Variants in ATP1A2 observed in about 807,000 individuals in gnomAD.
ATP1A2 encodes the protein sodium/potassium-transporting ATPase subunit alpha-2.
A neutral mutation model predicts 113.1 loss-of-function variants in ATP1A2; 56 were observed. The ratio of observed to expected loss-of-function variants is 0.49; its 90% CI spans 0.40 to 0.62. ATP1A2 has a LOEUF of 0.62. ATP1A2 is among the 20% of genes least tolerant of loss of function. The probability of loss-of-function intolerance (pLI) is 0.00; values close to 1 mark genes in which losing one functional copy is unlikely to be tolerated. For synonymous variants in ATP1A2, 490 were observed against 526.8 expected, an observed-to-expected ratio of 0.93 and a Z score of 0.96; for missense variants, 712 against 1,357.8, an observed-to-expected ratio of 0.52 and a Z score of 7.47.
In ATP1A2 at chr1:160,128,811, A is replaced by C. The variant is rs1651668142; in HGVS notation, c.1177A>C (p.Asn393His). 1.2e-6 allele frequency: 2 copies of C among 1,613,994 alleles called. No individual in the cohort carries two copies. The highest frequency in any genetic ancestry group is 1.1e-5 in the South Asian group (1 of 91,068). The stretch of plus-strand genomic sequence containing the variant: ...GACCGTCGCCCACATGTGGTTCGAC[A>C]ACCAAATCCATGAGGCTGACACCAC... ...RMTVAHMWFD[N>H]QIHEADTTED... is the part of the protein sequence containing the mutation. The change falls in exon 9 of 23, where the codon AAC becomes CAC. Residue 393 changes from asparagine (N) to histidine (H), a missense_variant. Asn to His is a moderately conservative substitution (Grantham distance 68). Around this residue, in one of 6 missense-constraint regions of ATP1A2, gnomAD observed 44 missense variants for 153.1 expected, o/e 0.29. Transcript: ENST00000361216.
rs1038057853 is a variant in ATP1A2 at position 160,135,581 on chromosome 1, A to G, written c.2263A>G (p.Ile755Val). 1.2e-6 allele frequency: 2 copies of G among 1,614,002 alleles called. No homozygotes were observed. Among genetic ancestry groups the G allele is most frequent in the Non-Finnish European group, 1.7e-6 (2 of 1,180,000 alleles). The part of the protein sequence containing the change: ...MILLDDNFAS[I>V]VTGVEEGRLI... ...CCTGCTGGATGACAACTTTGCCTCC[A>G]TCGTCACGGGGGTGGAGGAGGGTGA... Residue 755 changes from isoleucine (I) to valine (V), a missense_variant, in exon 16 of 23, where the codon ATC becomes GTC. Coordinates refer to ENST00000361216, the MANE Select transcript of ATP1A2 (RefSeq NM_000702.4). The surrounding 1 kb of genome is among the most constrained non-coding windows in gnomAD (Gnocchi z 6.3).
intron 1 of ATP1A2, 67 bp downstream of exon 1, chr1:160,115,940 G>T: frequency 6.4e-7 from 1 of 1,572,860 alleles, no homozygotes; most frequent in East Asian, 2.3e-5. Context: ...GAAGGATGAA[G>T]TGGGAATGGG....
chr1:160,118,496 C>T (rs1299549878), intron 1 of ATP1A2, among the ~76,000 whole-genome samples: 3 of 152,214 alleles, frequency 2.0e-5, no homozygotes, highest in Admixed American at 2.0e-4. Context: ...AATGAATCCT[C>T]TTAGGTCACC....
At chr1:160,120,843 G>A in intron 1 of ATP1A2, 63 bp from the exon 2 acceptor site, 1 of 1,504,530 alleles carries the variant, frequency 6.6e-7, no homozygotes, top group Non-Finnish European at 9.0e-7. Flanking sequence ...CTGGCTGAGT[G>A]GTGGGAATGG....
chr1:160,138,970 C>G (rs2101998014), intron 20 of ATP1A2, among the ~76,000 whole-genome samples: 1 of 152,258 alleles, frequency 6.6e-6, no homozygotes, highest in South Asian at 2.1e-4. Context: ...AAGGTAAAAT[C>G]TCCATTTGAT....
intron 13 of ATP1A2, among the ~76,000 whole-genome samples, chr1:160,132,828 G>A (rs1360613563): frequency 6.6e-6 from 1 of 152,142 alleles, no homozygotes; most frequent in Non-Finnish European, 1.5e-5. Context: ...AAGGCTTATA[G>A]TATGTTGTAT....
rs1570992851 is a variant in ATP1A2, at chr1:160,134,191, A to G, written c.1828-293A>G. 7.2e-5 allele frequency among the ~76,000 whole-genome samples: 10 copies of G among 138,908 alleles called. No individual in the cohort carries two copies. In the South Asian group the frequency reaches 2.4e-3, roughly 33 times the overall value. 91.1% of individuals were successfully genotyped at this position (138,908 alleles called of 152,430 possible). A position where few individuals can be genotyped will look rare whatever the true frequency, so the allele number is the denominator to read the frequency against. On this transcript the variant is annotated intron_variant, in intron 13 of 22. Coordinates refer to ENST00000361216, the MANE Select transcript of ATP1A2 (RefSeq NM_000702.4). ...CCCACACACACACATTCCCTCTCAC[A>G]CACACACACAATCCCCACCCCCTCA... is the stretch of plus-strand genomic sequence containing the variant.
chr1:160,141,546 C>A lies in ATP1A2; in HGVS notation c.*224C>A, dbSNP rs1652151285. The A allele has an allele frequency of 1.6e-6, 1 of 615,138 alleles. No individual in the cohort carries two copies. 38.1% of individuals were successfully genotyped at this position (615,138 alleles called of 1,614,324 possible). A position where few individuals can be genotyped will look rare whatever the true frequency, so the allele number is the denominator to read the frequency against. On this transcript the variant is annotated 3_prime_UTR_variant, in exon 23 of 23. Transcript: ENST00000361216. ...GATTAGACACTATGTGTTAGAGTCC[C>A]CCCGACCAGATCCTTTTCCATCCCA...
At chr1:160,136,392 G>A (rs371546533) in intron 18 of ATP1A2, 22 bp downstream of exon 18, 31 of 1,613,528 alleles carry the variant, frequency 1.9e-5, no homozygotes, top group African/African-American at 6.7e-5. Flanking sequence ...CCCGGGCCTC[G>A]GGAGGGAACC....
intron 13 of ATP1A2, among the ~76,000 whole-genome samples, chr1:160,131,354 G>A (rs1416847186): frequency 6.6e-6 from 1 of 152,162 alleles, no homozygotes. Flanking sequence ...GGAAACTGAG[G>A]CACAAAGTAA....
rs886039530 is a variant in ATP1A2, at chr1:160,130,547, C to T, written c.1777C>T (p.Arg593Trp). 6.2e-7 allele frequency: 1 copy of T among 1,614,224 alleles called. No individual in the cohort carries two copies. Among genetic ancestry groups the T allele is most frequent in the Non-Finnish European group, 8.5e-7 (1 of 1,180,034 alleles). ...VGLMSMIDPP[R>W]AAVPDAVGKC... ...GCTCATGTCTATGATTGACCCTCCC[C>T]GGGCTGCTGTGCCAGATGCTGTGGG... Residue 593 changes from arginine (R) to tryptophan (W), a missense_variant, in exon 13 of 23, where the codon CGG becomes TGG. Coordinates refer to ENST00000361216, the MANE Select transcript of ATP1A2 (RefSeq NM_000702.4).
intron 20 of ATP1A2, 46 bp downstream of exon 20, chr1:160,137,077 C>T: frequency 1.2e-6 from 2 of 1,613,310 alleles, no homozygotes; most frequent in Non-Finnish European, 1.7e-6. Context: ...GCTCTGGGCA[C>T]ACTCACCAAC....
chr1:160,125,882 G>C (rs1651570464), intron 7 of ATP1A2, among the ~76,000 whole-genome samples: 1 of 152,192 alleles, frequency 6.6e-6, no homozygotes, highest in Non-Finnish European at 1.5e-5. Flanking sequence ...TAATGGCAGG[G>C]GTCCAAGCAC....
At position 160,135,764 on chromosome 1, in the gene ATP1A2, G is replaced by A. The variant is rs1328631802; in HGVS notation, c.2285-75G>A. 1 of 1,612,076 alleles carries A rather than the reference G, an allele frequency of 6.2e-7. No individual in the cohort carries two copies. The highest frequency in any genetic ancestry group is 1.3e-5 in the African/African-American group (1 of 74,850). The stretch of plus-strand genomic sequence containing the variant: ...AAATCTTCCTCTCTTGGGAAGACAG[G>A]CAGCCATGCTTCAGGGGCTGGGGGT... On this transcript the variant is annotated intron_variant, in intron 16 of 22. Coordinates refer to ENST00000361216, the MANE Select transcript of ATP1A2 (RefSeq NM_000702.4). The surrounding 1 kb of genome is among the most constrained non-coding windows in gnomAD (Gnocchi z 6.3).
chr1:160,128,846 G>A lies in ATP1A2; in HGVS notation c.1212G>A (p.Gln404=). 1 of 1,614,176 alleles carries A rather than the reference G, an allele frequency of 6.2e-7. No homozygotes were observed. The highest frequency in any genetic ancestry group is 8.5e-7 in the Non-Finnish European group (1 of 1,180,016). ...ATGAGGCTGACACCACCGAAGATCA[G>A]TCTGGTGATTGGGTGCTCCAGAGGG... ...QIHEADTTED[Q]SGATFDKRSP... is the part of the protein sequence containing the mutation. The change falls in exon 9 of 23, where the codon CAG becomes CAA. Residue 404 remains glutamine, a synonymous_variant. Transcript: ENST00000361216.
intron 3 of ATP1A2, among the ~76,000 whole-genome samples, chr1:160,122,298 C>T (rs928849496): frequency 6.6e-6 from 1 of 151,994 alleles, no homozygotes; most frequent in Non-Finnish European, 1.5e-5. Flanking sequence ...TATTGTGTGT[C>T]ACCTCTCCAG....
At chr1:160,129,972 A>T in intron 11 of ATP1A2, 130 bp from the exon 12 acceptor site, 1 of 1,194,742 alleles carries the variant, frequency 8.4e-7, no homozygotes, top group Non-Finnish European at 1.2e-6. Context: ...GCACAAGGAG[A>T]TTCTCTTTGT....
chr1:160,125,279 G>C, intron 7 of ATP1A2, 26 bp downstream of exon 7: 1 of 1,584,110 alleles, frequency 6.3e-7, no homozygotes, highest in Non-Finnish European at 8.7e-7. Flanking sequence ...GCCCCCTGTA[G>C]GAAAGAGTCT....
intron 13 of ATP1A2, among the ~76,000 whole-genome samples, chr1:160,132,331 G>A (rs148429377): frequency 1.3e-5 from 2 of 152,266 alleles, no homozygotes; most frequent in East Asian, 3.9e-4. Flanking sequence ...TATCCTGCAG[G>A]CCACAGAGAG....
Sources: gnomAD v4.1 joint callset for allele counts (sites outside exome capture counted in the v4.1 genomes callset) on GRCh38, gnomAD v4.1.1 for gene constraint, gnomAD v4.1.1 regional missense constraint, Gnocchi (gnomAD v3.1) non-coding constraint, MANE v1.5 for transcripts, NCBI Gene and HGNC (gene_info 2026-07-23, HGNC 2026-07-21) for gene names.